Variants in HEATR9 observed in about 807,000 individuals in gnomAD.
HEATR9 encodes HEAT repeat containing 9.
A neutral mutation model predicts 68.2 loss-of-function variants in HEATR9; 54 were observed. The observed-to-expected ratio is 0.79, with a 90% CI of 0.64 to 0.99. The LOEUF (loss-of-function observed/expected upper bound fraction) is 0.99, where lower values mean the gene tolerates loss of function less well. HEATR9 is among the 50% of genes least tolerant of loss of function. The pLI, the probability that HEATR9 is intolerant of heterozygous loss-of-function variation, is 0.00. For missense variants in HEATR9, 662 were observed against 679.7 expected, an observed-to-expected ratio of 0.97 and a Z score of 0.29; for synonymous variants, 241 against 253.5, an observed-to-expected ratio of 0.95 and a Z score of 0.47.
At chr17:35,861,084 C>T (rs567507857) in intron 8 of HEATR9, 135 of 930,214 alleles carry the variant, frequency 1.5e-4, no homozygotes, top group Non-Finnish European at 2.2e-4. Context: ...TTTAAAGAAG[C>T]ATCCTCTTGT....
At chr17:35,868,626 G>A (rs896471342) in intron 1 of HEATR9, 29 bp downstream of exon 1, 1 of 1,613,956 alleles carries the variant, frequency 6.2e-7, no homozygotes, top group Admixed American at 1.7e-5. Flanking sequence ...CCCTGCTCTT[G>A]GCTCCATTTC....
rs1473389099 is a variant in HEATR9 at position 35,864,234 on chromosome 17, T to TCTCAGA, written c.567+6_567+11dup. On this transcript the variant is annotated intron_variant, in intron 6 of 14. Coordinates refer to ENST00000604834, the MANE Select transcript of HEATR9 (RefSeq NM_152781.4). ...TCCTTCTTTCCTGAACTCCAGCAGTTCTCAGACTCACCACCTGCTGTAGTG... is the reference window on the plus strand; with the variant it reads ...TCCTTCTTTCCTGAACTCCAGCAGTTCTCAGACTCAGACTCACCACCTGCTGTAGTG... The TCTCAGA allele has an allele frequency of 5.6e-6, 9 of 1,605,614 alleles. No homozygotes were observed. The East Asian group carries it at 2.0e-4, about 36-fold the overall frequency.
chr17:35,859,411 A>G (rs958148415), intron 8 of HEATR9, among the ~76,000 whole-genome samples: 4 of 152,176 alleles, frequency 2.6e-5, no homozygotes, highest in African/African-American at 7.2e-5. Context: ...CCTGATCATT[A>G]CCCACAAATG....
At chr17:35,867,738 G>T (rs2088260559) in intron 1 of HEATR9, among the ~76,000 whole-genome samples, 1 of 152,086 alleles carries the variant, frequency 6.6e-6, no homozygotes, top group South Asian at 2.1e-4. Context: ...CTAGATTAAG[G>T]GTGGGGTCTG....
chr17:35,863,692 A>C, intron 6 of HEATR9, 133 bp from the exon 7 acceptor site: 12 of 949,732 alleles, frequency 1.3e-5, no homozygotes, highest in East Asian at 2.6e-5. Flanking sequence ...ATCTATTCTC[A>C]AATACAGAAT....
intron 8 of HEATR9, chr17:35,861,500 G>A (rs1013818699): frequency 2.6e-5 from 30 of 1,163,086 alleles, no homozygotes; most frequent in African/African-American, 4.5e-5. Context: ...CAGTCGTTGC[G>A]GACAAACATC....
At chr17:35,862,138 C>T (rs2088017583) in intron 8 of HEATR9, among the ~76,000 whole-genome samples, 2 of 152,090 alleles carry the variant, frequency 1.3e-5, no homozygotes, top group African/African-American at 4.8e-5. Flanking sequence ...CTCAGCCTCT[C>T]AACGTGCTGG....
chr17:35,865,101 T>A, intron 3 of HEATR9, 114 bp downstream of exon 3: 1 of 1,369,506 alleles, frequency 7.3e-7, no homozygotes, highest in Non-Finnish European at 1.0e-6. Context: ...TAAGCTCCTC[T>A]CTGGGACCTG....
intron 8 of HEATR9, among the ~76,000 whole-genome samples, chr17:35,861,825 T>C (rs986949968): frequency 4.6e-5 from 7 of 152,062 alleles, no homozygotes; most frequent in Admixed American, 1.3e-4. Flanking sequence ...CCATTGTACC[T>C]GTCACCTCTA....
At position 35,863,529 on chromosome 17, in the gene HEATR9, C is replaced by G. The variant is rs765382917; in HGVS notation, c.598G>C (p.Glu200Gln). ...AGGATGGCCAGGGTTCGGTAGGCCT[C>G]GTACTTCACTTTCTCTGGACCAGTT... is the stretch of plus-strand genomic sequence containing the variant. ...AQTGPEKVKY[E>Q]AYRTLAILGC... Residue 200 changes from glutamate (E) to glutamine (Q), a missense_variant, in exon 7 of 15, where the codon GAG (glutamate) becomes CAG (glutamine). By Grantham distance (29) the Glu-to-Gln change is conservative. Transcript: ENST00000604834. The G allele has an allele frequency of 1.2e-6, 2 of 1,614,188 alleles. No homozygotes were observed. The highest frequency in any genetic ancestry group is 1.7e-6 in the Non-Finnish European group (2 of 1,180,032).
chr17:35,868,686 G>A lies in HEATR9; in HGVS notation c.57C>T (p.Tyr19=), dbSNP rs1249711302. 1 of 1,614,148 alleles carries A rather than the reference G, an allele frequency of 6.2e-7. No homozygotes were observed. Among genetic ancestry groups the A allele is most frequent in the South Asian group, 1.1e-5 (1 of 91,082 alleles). The change falls in exon 1 of 15, where the codon TAC becomes TAT. Residue 19 remains tyrosine, a synonymous_variant. Coordinates refer to ENST00000604834, the MANE Select transcript of HEATR9 (RefSeq NM_152781.4). Reference sequence around the variant, plus strand: ...TCTTGTCTGGATATTCCAGCCATGGGTACAGGAACATTGACCTGGAGACAT... The same window carrying A: ...TCTTGTCTGGATATTCCAGCCATGGATACAGGAACATTGACCTGGAGACAT... The part of the protein sequence containing the change: ...ISDVSRSMFL[Y]PWLEYPDKTK...
At chr17:35,867,826 G>A (rs1241474614) in intron 1 of HEATR9, among the ~76,000 whole-genome samples, 1 of 152,124 alleles carries the variant, frequency 6.6e-6, no homozygotes, top group Admixed American at 6.5e-5. Context: ...TGCCTGGGCT[G>A]CTGGAGTGCA....
chr17:35,865,086 C>T lies in HEATR9; in HGVS notation c.320+129G>A, dbSNP rs187797594. 9.2e-5 allele frequency: 121 copies of T among 1,310,164 alleles called. No individual in the cohort carries two copies. In the African/African-American group the frequency reaches 1.5e-3, roughly 16 times the overall value. 81.2% of individuals were successfully genotyped at this position (1,310,164 alleles called of 1,614,324 possible). Reference sequence around the variant, plus strand: ...CAGATGGAGCTGAGCCAAGCCGAGCCGCCCTAAGCTCCTCTCTGGGACCTG... The same window carrying T: ...CAGATGGAGCTGAGCCAAGCCGAGCTGCCCTAAGCTCCTCTCTGGGACCTG... On this transcript the variant is annotated intron_variant, in intron 3 of 14. Coordinates refer to ENST00000604834, the MANE Select transcript of HEATR9 (RefSeq NM_152781.4).
chr17:35,864,243 C>CA lies in HEATR9; in HGVS notation c.567+2dup. 6.2e-7 allele frequency: 1 copy of CA among 1,609,160 alleles called. No homozygotes were observed. The highest frequency in any genetic ancestry group is 8.5e-7 in the Non-Finnish European group (1 of 1,175,416). On this transcript the variant is annotated splice_region_variant and intron_variant, in intron 6 of 14. Coordinates refer to ENST00000604834, the MANE Select transcript of HEATR9 (RefSeq NM_152781.4). Reference sequence around the variant, plus strand: ...CCTGAACTCCAGCAGTTCTCAGACTCACCACCTGCTGTAGTGCCTCCATGA... The same window carrying CA: ...CCTGAACTCCAGCAGTTCTCAGACTCAACCACCTGCTGTAGTGCCTCCATGA...
At chr17:35,859,133 C>T (rs1468814961) in intron 8 of HEATR9, 63 bp from the exon 9 acceptor site, 6 of 1,403,830 alleles carry the variant, frequency 4.3e-6, no homozygotes, top group Non-Finnish European at 6.0e-6. Flanking sequence ...CTTTGTGCTT[C>T]CAGACTATAT....
Position 35,858,306 on chromosome 17 carries a change from G to A in HEATR9, c.1046C>T (p.Ala349Val). The change falls in exon 11 of 15, where the codon GCC (alanine) becomes GTC (valine). Residue 349 changes from alanine (A) to valine (V), a missense_variant. Coordinates refer to ENST00000604834, the MANE Select transcript of HEATR9 (RefSeq NM_152781.4). ...CCCAATGGTCTTGAGCATTTGGGTGGCTTCAAAGCGGTCCTGAGGTCGGGG... is the reference window on the plus strand; with the variant it reads ...CCCAATGGTCTTGAGCATTTGGGTGACTTCAAAGCGGTCCTGAGGTCGGGG... ...SSSVLEDRFE[A>V]TQMLKTIGLE... is the part of the protein sequence containing the mutation. The A allele has an allele frequency of 1.2e-6, 2 of 1,614,182 alleles. No homozygotes were observed. The highest frequency in any genetic ancestry group is 1.7e-6 in the Non-Finnish European group (2 of 1,180,024).
intron 7 of HEATR9, 132 bp from the exon 8 acceptor site, chr17:35,863,257 C>T (rs2088063502): frequency 8.2e-7 from 1 of 1,222,448 alleles, no homozygotes; most frequent in African/African-American, 1.5e-5. Flanking sequence ...GCTCATCTTC[C>T]CAGGATACCA....
intron 8 of HEATR9, among the ~76,000 whole-genome samples, chr17:35,860,287 G>A (rs1166409948): frequency 6.8e-6 from 1 of 148,038 alleles, no homozygotes; most frequent in Non-Finnish European, 1.5e-5. Flanking sequence ...AGCTACTCGG[G>A]AGGCTGAAGC....
At chr17:35,863,990 T>C (rs1028348812) in intron 6 of HEATR9, 20 of 563,040 alleles carry the variant, frequency 3.6e-5, no homozygotes, top group Middle Eastern at 4.6e-4. Flanking sequence ...TTTCAGACTT[T>C]CCTGGCTTTT....
Sources: gnomAD v4.1 joint callset for allele counts (sites outside exome capture counted in the v4.1 genomes callset) on GRCh38, gnomAD v4.1.1 for gene constraint, MANE v1.5 for transcripts, NCBI Gene and HGNC (gene_info 2026-07-23, HGNC 2026-07-21) for gene names.